Variants in CNTN5 observed in about 807,000 individuals in gnomAD.
CNTN5 encodes the protein contactin-5.
In CNTN5, 77 loss-of-function variants were observed where a neutral mutation model predicts 129.1. The observed-to-expected ratio is 0.60, with a 90% CI of 0.50 to 0.72. CNTN5 has a LOEUF of 0.72. Among genes scored for constraint, CNTN5 ranks in the 30% least tolerant of loss-of-function variants. The probability of loss-of-function intolerance (pLI) is 0.00; values close to 1 mark genes in which losing one functional copy is unlikely to be tolerated. For missense variants in CNTN5, 1,478 were observed against 1,328.8 expected (o/e 1.11, Z -1.75); for synonymous variants, 509 against 465.6 (o/e 1.09, Z -1.20).
chr11:99,412,151 A>G (rs1234290341), intron 2 of CNTN5, among the ~76,000 whole-genome samples: 4 of 152,208 alleles, frequency 2.6e-5, no homozygotes, highest in Non-Finnish European at 5.9e-5. Context: ...TAGAAGAAAT[A>G]TATTATTTGA....
intron 2 of CNTN5, among the ~76,000 whole-genome samples, chr11:99,452,489 C>T (rs1944343916): frequency 6.7e-6 from 1 of 149,494 alleles, no homozygotes; most frequent in South Asian, 2.1e-4. Flanking sequence ...TCTCCTGCCT[C>T]AGCCTCTCAA....
At chr11:99,562,489 A>T (rs1948874115) in intron 3 of CNTN5, among the ~76,000 whole-genome samples, 1 of 152,168 alleles carries the variant, frequency 6.6e-6, no homozygotes, top group Admixed American at 6.5e-5. Context: ...ATTCGTTACA[A>T]ATAAAATATA....
At chr11:99,279,073 G>T (rs1242047294) in intron 1 of CNTN5, among the ~76,000 whole-genome samples, 1 of 151,690 alleles carries the variant, frequency 6.6e-6, no homozygotes, top group Non-Finnish European at 1.5e-5. Context: ...TATACTTTGC[G>T]AAGTACTCTA....
rs373473730 is a variant in CNTN5, at chr11:100,216,297, T to C, written c.1885-8395T>C. Among the ~76,000 whole-genome samples the C allele has an allele frequency of 9.2e-4, 140 of 152,174 alleles. 4 individuals carry two copies. The highest frequency in any genetic ancestry group is 3.1e-3 in the African/African-American group (127 of 41,526). On this transcript the variant is annotated intron_variant, in intron 15 of 24. Coordinates refer to ENST00000524871, the MANE Select transcript of CNTN5 (RefSeq NM_014361.4). The stretch of plus-strand genomic sequence containing the variant: ...TGTTAAGACACTGACTATTCTGCAA[T>C]GTAAAAATAGCAGCAGAATAAAATG...
In CNTN5 at chr11:99,953,336, A is replaced by G. The variant is rs1474841424; in HGVS notation, c.674-3470A>G. Among the ~76,000 whole-genome samples the G allele has an allele frequency of 6.6e-5, 10 of 152,340 alleles. No individual in the cohort carries two copies. The East Asian group carries it at 1.2e-3, about 18-fold the overall frequency. ...ACTGAATCAGTTGCAGCAATTGCAT[A>G]GAAAGTCTGCAATATTTGAATCCCT... On this transcript the variant is annotated intron_variant, in intron 7 of 24. Coordinates refer to ENST00000524871, the MANE Select transcript of CNTN5 (RefSeq NM_014361.4).
At chr11:99,628,668 T>C (rs1372154652) in intron 3 of CNTN5, among the ~76,000 whole-genome samples, 7 of 146,236 alleles carry the variant, frequency 4.8e-5, no homozygotes, top group East Asian at 4.1e-4. Flanking sequence ...AGATAAATAA[T>C]ATTTATCAAC....
chr11:99,908,834 T>A (rs2135981548), intron 6 of CNTN5, among the ~76,000 whole-genome samples: 1 of 152,236 alleles, frequency 6.6e-6, no homozygotes, highest in East Asian at 1.9e-4. Context: ...ATTAAAAGTG[T>A]CTTTTTCAAG....
At chr11:100,269,710 G>C (rs545623335) in intron 17 of CNTN5, among the ~76,000 whole-genome samples, 106 of 152,138 alleles carry the variant, frequency 7.0e-4, no homozygotes, top group Non-Finnish European at 1.4e-3. Flanking sequence ...ATGAGGGAGA[G>C]ATATGTGCTG....
chr11:100,161,836 C>T lies in CNTN5; in HGVS notation c.1581-29290C>T, dbSNP rs74609136. Among the ~76,000 whole-genome samples, 156 of 56,708 alleles carry T rather than the reference C, an allele frequency of 2.8e-3. 2 individuals carry two copies. The highest frequency in any genetic ancestry group is 0.01 in the Admixed American group (46 of 4,428). The allele number at this position is 56,708 out of a possible 152,430, so 37.2% of individuals were successfully genotyped here. A position where few individuals can be genotyped will look rare whatever the true frequency, so the allele number is the denominator to read the frequency against. On this transcript the variant is annotated intron_variant, in intron 13 of 24. Transcript: ENST00000524871. ...GGATAGCCCTGGAGCTTCCTACACA[C>T]ACACACACACACACACACACACACA...
chr11:99,594,594 C>T (rs888765759), intron 3 of CNTN5, among the ~76,000 whole-genome samples: 2 of 152,132 alleles, frequency 1.3e-5, no homozygotes, highest in Non-Finnish European at 2.9e-5. Context: ...TCACTTTGGC[C>T]GGTTCTATCA....
chr11:99,157,454 T>C (rs1349221996), intron 1 of CNTN5, among the ~76,000 whole-genome samples: 4 of 152,124 alleles, frequency 2.6e-5, no homozygotes, highest in Non-Finnish European at 5.9e-5. Context: ...ACTATTTTTA[T>C]CTTTTTGAGC....
At chr11:99,916,012 T>C in intron 6 of CNTN5, 42 bp from the exon 7 acceptor site, 2 of 1,465,500 alleles carry the variant, frequency 1.4e-6, no homozygotes, top group East Asian at 4.6e-5. Context: ...ATTCTTTACA[T>C]TCTTTTCTGC....
At chr11:99,758,927 G>A (rs751704748) in intron 3 of CNTN5, among the ~76,000 whole-genome samples, 3 of 152,000 alleles carry the variant, frequency 2.0e-5, no homozygotes, top group African/African-American at 4.8e-5. Context: ...TTCAATATAT[G>A]GTATTTTGTT....
chr11:99,415,922 G>A (rs900773059), intron 2 of CNTN5, among the ~76,000 whole-genome samples: 1 of 152,136 alleles, frequency 6.6e-6, no homozygotes, highest in East Asian at 1.9e-4. Context: ...AATTAATTCT[G>A]CTCTTGATTT....
At chr11:100,353,736 A>C (rs1005455746) in intron 24 of CNTN5, among the ~76,000 whole-genome samples, 2 of 151,662 alleles carry the variant, frequency 1.3e-5, no homozygotes, top group Admixed American at 6.6e-5. Context: ...ATGTTGATTG[A>C]TAAGTTCTAG....
At chr11:99,886,972 A>G (rs568398879) in intron 6 of CNTN5, among the ~76,000 whole-genome samples, 56 of 152,316 alleles carry the variant, frequency 3.7e-4, no homozygotes, top group Non-Finnish European at 7.5e-4. Context: ...AGATAGGAAG[A>G]AACGAGAATA....
At chr11:100,299,125 C>T in intron 19 of CNTN5, 37 bp from the exon 20 acceptor site, 1 of 1,306,622 alleles carries the variant, frequency 7.7e-7, no homozygotes, top group Non-Finnish European at 1.1e-6. Flanking sequence ...TTTAATCAAT[C>T]ATTTTGCTGA....
chr11:100,358,190 TC>T lies in CNTN5; in HGVS notation c.*1971del, dbSNP rs1284400124. 6.6e-6 allele frequency: 1 copy of T among 151,948 alleles called. No homozygotes were observed. The highest frequency in any genetic ancestry group is 2.4e-5 in the African/African-American group (1 of 41,434). 9.4% of individuals were successfully genotyped at this position (151,948 alleles called of 1,614,324 possible). A position where few individuals can be genotyped will look rare whatever the true frequency, so the allele number is the denominator to read the frequency against. ...TATTTCATGAATCAAGCCATTTTCT[TC>T]ATTTTCCATGGTGGTGTACACCAGA... is the stretch of plus-strand genomic sequence containing the variant. On this transcript the variant is annotated 3_prime_UTR_variant, in exon 25 of 25. Transcript: ENST00000524871.
At chr11:99,997,629 G>C (rs1195782605) in intron 8 of CNTN5, among the ~76,000 whole-genome samples, 4 of 152,112 alleles carry the variant, frequency 2.6e-5, no homozygotes, top group African/African-American at 4.8e-5. Context: ...AATAGAAAAA[G>C]AGGGAATCCT....
Sources: gnomAD v4.1 joint callset for allele counts (sites outside exome capture counted in the v4.1 genomes callset) on GRCh38, gnomAD v4.1.1 for gene constraint, MANE v1.5 for transcripts, NCBI Gene and HGNC (gene_info 2026-07-23, HGNC 2026-07-21) for gene names.